OR1D2: variants seen among roughly 807,000 people sequenced by gnomAD.
OR1D2 encodes the protein olfactory receptor family 1 subfamily D member 2.
For synonymous variants in OR1D2, 157 were observed against 153.9 expected (o/e 1.02, Z -0.15); for missense variants, 357 against 376.1 (o/e 0.95, Z 0.42).
chr17:3,092,028 C>G lies in OR1D2; in HGVS notation c.*30G>C. On this transcript the variant is annotated 3_prime_UTR_variant, in exon 2 of 2. Coordinates refer to ENST00000641833, the MANE Select transcript of OR1D2 (RefSeq NM_002548.3). ...ATAGGGTGAAGGATATTCCTAGTCT[C>G]CACTTTAATGCTGTCTTTCCAAATT... The G allele has an allele frequency of 1.3e-6, 2 of 1,513,856 alleles. No homozygotes were observed. Among genetic ancestry groups the G allele is most frequent in the Non-Finnish European group, 1.8e-6 (2 of 1,104,870 alleles). The allele number at this position is 1,513,856 out of a possible 1,614,324, so 93.8% of individuals were successfully genotyped here.
In OR1D2 at chr17:3,091,293, A is replaced by G. The variant is rs1411681861; in HGVS notation, c.*765T>C. 2 of 152,174 alleles carry G rather than the reference A, an allele frequency of 1.3e-5. No homozygotes were observed. The highest frequency in any genetic ancestry group is 2.9e-5 in the Non-Finnish European group (2 of 68,020). 9.4% of individuals were successfully genotyped at this position (152,174 alleles called of 1,614,324 possible). ...TTTTACCTGATGTCATTGCAGCAAT[A>G]TTTCACTTAAAATATTTAGTATTTT... On this transcript the variant is annotated 3_prime_UTR_variant, in exon 2 of 2. Coordinates refer to ENST00000641833, the MANE Select transcript of OR1D2 (RefSeq NM_002548.3).
At chr17:3,098,672 G>A (rs2047859545) in intron 1 of OR1D2, among the ~76,000 whole-genome samples, 1 of 152,182 alleles carries the variant, frequency 6.6e-6, no homozygotes, top group African/African-American at 2.4e-5. Flanking sequence ...CTGGATGGAG[G>A]ATGAGATGGC....
At chr17:3,100,358 A>C (rs1474521833) in intron 1 of OR1D2, among the ~76,000 whole-genome samples, 1 of 152,244 alleles carries the variant, frequency 6.6e-6, no homozygotes, top group East Asian at 1.9e-4. Flanking sequence ...ATTAGAACTC[A>C]GGATTGAGAA....
chr17:3,095,313 C>T (rs1555611166), intron 1 of OR1D2, among the ~76,000 whole-genome samples: 1 of 152,034 alleles, frequency 6.6e-6, no homozygotes, highest in Non-Finnish European at 1.5e-5. Flanking sequence ...GAACAACAGA[C>T]TTCTCAACAG....
In OR1D2 at chr17:3,091,995, T is replaced by C. The variant is rs2047812046; in HGVS notation, c.*63A>G. 6 of 1,234,028 alleles carry C rather than the reference T, an allele frequency of 4.9e-6. No individual in the cohort carries two copies. In the Admixed American group the frequency reaches 1.2e-4, roughly 25 times the overall value. The allele number at this position is 1,234,028 out of a possible 1,614,324, so 76.4% of individuals were successfully genotyped here. A position where few individuals can be genotyped will look rare whatever the true frequency, so the allele number is the denominator to read the frequency against. Reference sequence around the variant, plus strand: ...CACTGCTGTATAACACACAGGACAATCCCTTACATAGGGTGAAGGATATTC... The same window carrying C: ...CACTGCTGTATAACACACAGGACAACCCCTTACATAGGGTGAAGGATATTC... On this transcript the variant is annotated 3_prime_UTR_variant, in exon 2 of 2. Coordinates refer to ENST00000641833, the MANE Select transcript of OR1D2 (RefSeq NM_002548.3).
At chr17:3,100,852 T>C (rs2047872040) in intron 1 of OR1D2, among the ~76,000 whole-genome samples, 1 of 152,006 alleles carries the variant, frequency 6.6e-6, no homozygotes, top group Non-Finnish European at 1.5e-5. Context: ...TCACCACTTA[T>C]CCACAGAAAC....
Position 3,088,621 on chromosome 17 carries a change from C to G in OR1D2, c.*3437G>C, listed in dbSNP as rs890276692. On this transcript the variant is annotated 3_prime_UTR_variant, in exon 2 of 2. Coordinates refer to ENST00000641833, the MANE Select transcript of OR1D2 (RefSeq NM_002548.3). Reference sequence around the variant, plus strand: ...AGAGAGTCATGATCAATTGAGCAAGCAGGGGGTACGTGACTGGGGGCTGCA... The same window carrying G: ...AGAGAGTCATGATCAATTGAGCAAGGAGGGGGTACGTGACTGGGGGCTGCA... 1 of 156,444 alleles carries G rather than the reference C, an allele frequency of 6.4e-6. No homozygotes were observed. Among genetic ancestry groups the G allele is most frequent in the Non-Finnish European group, 1.5e-5 (1 of 68,078 alleles). The allele number at this position is 156,444 out of a possible 1,614,324, so 9.7% of individuals were successfully genotyped here.
chr17:3,100,862 C>A (rs1372061312), intron 1 of OR1D2, among the ~76,000 whole-genome samples: 1 of 151,962 alleles, frequency 6.6e-6, no homozygotes, highest in African/African-American at 2.4e-5. Context: ...TCCACAGAAA[C>A]ACAAACTACT....
intron 1 of OR1D2, 52 bp downstream of exon 1, chr17:3,104,047 G>A (rs1416946062): frequency 6.6e-6 from 1 of 152,310 alleles, no homozygotes; most frequent in Non-Finnish European, 1.5e-5. Context: ...GAAGATAAGA[G>A]AGAAGATAAG....
At chr17:3,097,300 C>A (rs1156390430) in intron 1 of OR1D2, among the ~76,000 whole-genome samples, 5 of 152,108 alleles carry the variant, frequency 3.3e-5, no homozygotes, top group Admixed American at 3.3e-4. Context: ...ACAAAGATGC[C>A]CACTTTCATT....
intron 1 of OR1D2, among the ~76,000 whole-genome samples, chr17:3,100,408 C>T (rs1242575056): frequency 1.3e-5 from 2 of 152,146 alleles, no homozygotes; most frequent in African/African-American, 4.8e-5. Flanking sequence ...AATTGAACAA[C>T]CTACTCCTGA....
chr17:3,093,908 A>C (rs2047829689), intron 1 of OR1D2, among the ~76,000 whole-genome samples: 1 of 152,226 alleles, frequency 6.6e-6, no homozygotes, highest in African/African-American at 2.4e-5. Context: ...AGTTTACTGG[A>C]TATCAAAATT....
intron 1 of OR1D2, among the ~76,000 whole-genome samples, chr17:3,098,202 G>C (rs1027728129): frequency 3.9e-5 from 6 of 152,144 alleles, no homozygotes; most frequent in African/African-American, 1.4e-4. Flanking sequence ...CTTTTTCCCT[G>C]TGCCACCCAA....
rs769423 is a variant in OR1D2 at position 3,092,923 on chromosome 17, C to T, written c.74G>A (p.Arg25Gln). Residue 25 changes from arginine to glutamine, a missense_variant, in exon 2 of 2, where the codon CGG becomes CAG. Coordinates refer to ENST00000641833, the MANE Select transcript of OR1D2 (RefSeq NM_002548.3). Reference protein sequence around the residue: ...LGMSESPEQQRILFWMFLSMY... With the variant: ...LGMSESPEQQQILFWMFLSMY... Reference sequence around the variant, plus strand: ...GGACAGGAACATCCAAAACAGGATCCGCTGCTGCTCAGGACTCTCTGACAT... The same window carrying T: ...GGACAGGAACATCCAAAACAGGATCTGCTGCTGCTCAGGACTCTCTGACAT... 116,000 of 1,613,724 alleles carry T rather than the reference C, an allele frequency of 0.072. 4,762 individuals are homozygous for T. Among genetic ancestry groups the T allele is most frequent in the African/African-American group, 0.16 (11,730 of 74,842 alleles).
In OR1D2 at chr17:3,104,382, C is replaced by A. The variant is rs905063147; in HGVS notation, c.-334G>T. On this transcript the variant is annotated 5_prime_UTR_variant, in exon 1 of 2. Coordinates refer to ENST00000641833, the MANE Select transcript of OR1D2 (RefSeq NM_002548.3). ...CTTGGATCCTAGATTCATGAAGAAACGGGATGAACAGGGAGCACATCAGGT... is the reference window on the plus strand; with the variant it reads ...CTTGGATCCTAGATTCATGAAGAAAAGGGATGAACAGGGAGCACATCAGGT... The A allele has an allele frequency of 1.3e-5, 2 of 152,044 alleles. No homozygotes were observed. Among genetic ancestry groups the A allele is most frequent in the African/African-American group, 2.4e-5 (1 of 41,390 alleles). 9.4% of individuals were successfully genotyped at this position (152,044 alleles called of 1,614,324 possible). A position where few individuals can be genotyped will look rare whatever the true frequency, so the allele number is the denominator to read the frequency against.
rs546761465 is a variant in OR1D2 at position 3,092,162 on chromosome 17, C to T, written c.835G>A (p.Val279Met). Residue 279 changes from valine (V) to methionine (M), a missense_variant, in exon 2 of 2, where the codon GTG becomes ATG. By Grantham distance (21) the Val-to-Met change is conservative (BLOSUM62 1). Coordinates refer to ENST00000641833, the MANE Select transcript of OR1D2 (RefSeq NM_002548.3). Reference protein sequence around the residue: ...KDSVATVMYAVVTPMMNPFIY... With the variant: ...KDSVATVMYAMVTPMMNPFIY... ...AAGGGATTCATCATGGGTGTCACCACAGCATACATCACTGTGGCTACTGAG... is the reference window on the plus strand; with the variant it reads ...AAGGGATTCATCATGGGTGTCACCATAGCATACATCACTGTGGCTACTGAG... 1.2e-6 allele frequency: 2 copies of T among 1,614,162 alleles called. No individual in the cohort carries two copies. The highest frequency in any genetic ancestry group is 1.3e-5 in the African/African-American group (1 of 75,052).
At position 3,092,352 on chromosome 17, in the gene OR1D2, G is replaced by C. The variant is rs139929114; in HGVS notation, c.645C>G (p.Ile215Met). Residue 215 changes from isoleucine to methionine, a missense_variant, in exon 2 of 2, where the codon ATC becomes ATG. Coordinates refer to ENST00000641833, the MANE Select transcript of OR1D2 (RefSeq NM_002548.3). ...CTCTGATAATCAGCACATAGGAAAT[G>C]ATCACGAATCCAAAGGGAATGAGGA... ...FIFLIPFGFVIISYVLIIRAI... is the reference protein window; with the variant it reads ...FIFLIPFGFVMISYVLIIRAI... The C allele has an allele frequency of 3.7e-6, 6 of 1,614,068 alleles. No homozygotes were observed. Among genetic ancestry groups the C allele is most frequent in the Admixed American group, 3.3e-5 (2 of 59,996 alleles).
rs61736104 is a variant in OR1D2 at position 3,092,368 on chromosome 17, G to C, written c.629C>G (p.Pro210Arg). The C allele has an allele frequency of 1.3e-3, 2,127 of 1,614,146 alleles. 28 individuals are homozygous for C. In the African/African-American group the frequency reaches 0.026, roughly 20 times the overall value. The change falls in exon 2 of 2, where the codon CCC (proline) becomes CGC (arginine). Residue 210 changes from proline (P) to arginine (R), a missense_variant. Coordinates refer to ENST00000641833, the MANE Select transcript of OR1D2 (RefSeq NM_002548.3). ...IATGCFIFLI[P>R]FGFVIISYVL... ...ATAGGAAATGATCACGAATCCAAAG[G>C]GAATGAGGAAGATGAAGCAGCCTGT... is the stretch of plus-strand genomic sequence containing the variant.
intron 1 of OR1D2, 23 bp from the exon 2 acceptor site, chr17:3,093,069 G>A: frequency 7.4e-7 from 1 of 1,357,318 alleles, no homozygotes; most frequent in Non-Finnish European, 1.0e-6. Context: ...AAAACATGAA[G>A]ATAAGCAAAA....
Sources: gnomAD v4.1 joint callset for allele counts (sites outside exome capture counted in the v4.1 genomes callset) on GRCh38, gnomAD v4.1.1 for gene constraint, MANE v1.5 for transcripts, NCBI Gene and HGNC (gene_info 2026-07-23, HGNC 2026-07-21) for gene names.